Variants in SLC25A19 observed in about 807,000 individuals in gnomAD.
The protein encoded by SLC25A19 is solute carrier family 25 member 19, also known as mitochondrial thiamine pyrophosphate carrier.
SLC25A19 carries 18 observed loss-of-function variants against 27.9 expected under a neutral mutation model. The ratio of observed to expected loss-of-function variants is 0.64; its 90% CI spans 0.45 to 0.96. The LOEUF is 0.96. Among genes scored for constraint, SLC25A19 ranks in the 40% least tolerant of loss-of-function variants. The pLI, the probability that SLC25A19 is intolerant of heterozygous loss-of-function variation, is 0.00. For synonymous variants in SLC25A19, 169 were observed against 167.1 expected (o/e 1.01, Z -0.09); for missense variants, 371 against 418.3 (o/e 0.89, Z 0.99).
intron 2 of SLC25A19, among the ~76,000 whole-genome samples, chr17:75,287,924 G>A (rs1324075453): frequency 3.3e-5 from 5 of 151,972 alleles, no homozygotes; most frequent in African/African-American, 2.4e-5. Flanking sequence ...CGGGTGGATC[G>A]CCTGAGGTCA....
chr17:75,284,956 T>A (rs2385211), intron 4 of SLC25A19, among the ~76,000 whole-genome samples: 24,529 of 151,400 alleles, frequency 0.16, 2,346 homozygotes, highest in Middle Eastern at 0.28. Flanking sequence ...TTTTGCTTTT[T>A]GAGGCAAGGT....
intron 5 of SLC25A19, 143 bp from the exon 6 acceptor site, chr17:75,278,478 C>A: frequency 1.1e-6 from 1 of 878,966 alleles, no homozygotes; most frequent in Non-Finnish European, 1.8e-6. Flanking sequence ...AAGGGAAACG[C>A]TGGACAGAGA....
chr17:75,278,457 G>T, intron 5 of SLC25A19, 122 bp from the exon 6 acceptor site: 1 of 1,081,616 alleles, frequency 9.2e-7, no homozygotes, highest in Non-Finnish European at 1.4e-6. Flanking sequence ...CCTCCTGCCA[G>T]GAAGACAGTC....
intron 4 of SLC25A19, among the ~76,000 whole-genome samples, chr17:75,284,637 T>TTC (rs2078139337): frequency 6.8e-6 from 1 of 146,334 alleles, no homozygotes; most frequent in African/African-American, 2.6e-5. Context: ...ATCTTTCTTT[T>TTC]TTTTTTTTTT....
At position 75,286,717 on chromosome 17, in the gene SLC25A19, G is replaced by C. The variant is rs761316641; in HGVS notation, c.48C>G (p.Phe16Leu). The change falls in exon 3 of 8, where the codon TTC becomes TTG. Residue 16 changes from phenylalanine to leucine, a missense_variant. Physicochemically the swap from Phe to Leu is conservative, Grantham distance 22 (BLOSUM62 0). Transcript: ENST00000416858. ...ACACAGACCCAGCCACTGCCACCTG[G>C]AACTTGGTGTTATTCCTGCCATCTG... is the stretch of plus-strand genomic sequence containing the variant. ...PKPDGRNNTK[F>L]QVAVAGSVSG... The C allele has an allele frequency of 6.2e-7, 1 of 1,614,160 alleles. No individual in the cohort carries two copies. Among genetic ancestry groups the C allele is most frequent in the Admixed American group, 1.7e-5 (1 of 60,014 alleles).
intron 5 of SLC25A19, among the ~76,000 whole-genome samples, chr17:75,279,236 C>T (rs1021048224): frequency 6.6e-6 from 1 of 151,846 alleles, no homozygotes; most frequent in East Asian, 1.9e-4. Context: ...CTCTGGGGAT[C>T]GGAATCAGGG....
chr17:75,282,866 ATAAC>A (rs2078074959), intron 5 of SLC25A19, among the ~76,000 whole-genome samples: 2 of 148,976 alleles, frequency 1.3e-5, no homozygotes, highest in Non-Finnish European at 3.0e-5. Context: ...AAATAAATAA[ATAAC>A]TAAAAATAAA....
intron 5 of SLC25A19, among the ~76,000 whole-genome samples, chr17:75,281,266 C>A (rs1157464711): frequency 6.6e-6 from 1 of 152,102 alleles, no homozygotes; most frequent in African/African-American, 2.4e-5. Context: ...ACATATGATG[C>A]TATTCTTAAA....
intron 6 of SLC25A19, 57 bp downstream of exon 6, chr17:75,278,095 G>C: frequency 6.3e-7 from 1 of 1,577,368 alleles, no homozygotes; most frequent in South Asian, 1.1e-5. Context: ...TGATTTGGAA[G>C]GGGGTGTTCT....
chr17:75,273,509 GAGA>G lies in SLC25A19; in HGVS notation c.902_904del (p.Phe301del), dbSNP rs1223052776. 1 of 1,614,182 alleles carries G rather than the reference GAGA, an allele frequency of 6.2e-7. No individual in the cohort carries two copies. The highest frequency in any genetic ancestry group is 8.5e-7 in the Non-Finnish European group (1 of 1,180,032). On this transcript the variant is annotated inframe_deletion, in exon 8 of 8. Coordinates refer to ENST00000416858, the MANE Select transcript of SLC25A19 (RefSeq NM_001126121.2). Reference sequence around the variant, plus strand: ...GAAGACATTACAGAAGAATTCATACGAGAAGAACATGAAGCCTGTGGAGAGGGC... The same window carrying G: ...GAAGACATTACAGAAGAATTCATACGAGAACATGAAGCCTGTGGAGAGGGC...
At chr17:75,286,178 G>A in intron 4 of SLC25A19, 126 bp downstream of exon 4, 1 of 1,184,920 alleles carries the variant, frequency 8.4e-7, no homozygotes, top group Non-Finnish European at 1.2e-6. Flanking sequence ...GGTGAGGCAG[G>A]TGGGAAGCGT....
chr17:75,286,708 T>C lies in SLC25A19; in HGVS notation c.57A>G (p.Ala19=). The C allele has an allele frequency of 1.2e-6, 2 of 1,614,186 alleles. No individual in the cohort carries two copies. The highest frequency in any genetic ancestry group is 1.7e-6 in the Non-Finnish European group (2 of 1,180,028). ...CAAGTCCAGACACAGACCCAGCCAC[T>C]GCCACCTGGAACTTGGTGTTATTCC... is the stretch of plus-strand genomic sequence containing the variant. The part of the protein sequence containing the change: ...DGRNNTKFQV[A]VAGSVSGLVT... Residue 19 remains alanine, a synonymous_variant, in exon 3 of 8, where the codon GCA becomes GCG. Transcript: ENST00000416858.
chr17:75,274,176 G>A (rs530428517), intron 7 of SLC25A19, among the ~76,000 whole-genome samples: 1 of 152,294 alleles, frequency 6.6e-6, no homozygotes, highest in South Asian at 2.1e-4. Context: ...CAGGAAGAAC[G>A]GCTGCCTGTG....
At position 75,278,129 on chromosome 17, in the gene SLC25A19, C is replaced by G. The variant is rs761333646; in HGVS notation, c.643+23G>C. On this transcript the variant is annotated intron_variant, in intron 6 of 7. Transcript: ENST00000416858. ...CTGGTGGCTGGGGTGGGAGGGCTCCCTCTCGTGTGAGGGCTGCCTCACCAT... is the reference window on the plus strand; with the variant it reads ...CTGGTGGCTGGGGTGGGAGGGCTCCGTCTCGTGTGAGGGCTGCCTCACCAT... The G allele has an allele frequency of 1.9e-6, 3 of 1,612,124 alleles. No individual in the cohort carries two copies. In the Admixed American group the frequency reaches 5.0e-5, roughly 27 times the overall value.
chr17:75,273,729 G>T (rs2077788124), intron 7 of SLC25A19, 90 bp from the exon 8 acceptor site: 3 of 1,257,306 alleles, frequency 2.4e-6, no homozygotes, highest in Non-Finnish European at 2.3e-6. Context: ...AGAAGTACTT[G>T]CTGGACAAAG....
At chr17:75,274,009 G>C (rs1190003446) in intron 7 of SLC25A19, 1 of 314,698 alleles carries the variant, frequency 3.2e-6, no homozygotes, top group African/African-American at 2.2e-5. Flanking sequence ...TGATCCACCT[G>C]CTTCAGCCTC....
rs781017271 is a variant in SLC25A19 at position 75,283,607 on chromosome 17, T to G, written c.289-14A>C. On this transcript the variant is annotated splice_polypyrimidine_tract_variant and intron_variant, in intron 4 of 7. Transcript: ENST00000416858. Reference sequence around the variant, plus strand: ...AAATGACAAGAACTGCAAGAGTAAGTGAAGAAGTCACCGACAGCCCAAAGG... The same window carrying G: ...AAATGACAAGAACTGCAAGAGTAAGGGAAGAAGTCACCGACAGCCCAAAGG... 9.9e-6 allele frequency: 16 copies of G among 1,611,900 alleles called. No individual in the cohort carries two copies. Among genetic ancestry groups the G allele is most frequent in the Middle Eastern group, 1.6e-4 (1 of 6,082 alleles).
rs1439178739 is a variant in SLC25A19, at chr17:75,278,161, T to G, written c.634A>C (p.Lys212Gln). 1.2e-6 allele frequency: 2 copies of G among 1,613,582 alleles called. No homozygotes were observed. Among genetic ancestry groups the G allele is most frequent in the Admixed American group, 3.3e-5 (2 of 59,992 alleles). Reference protein sequence around the residue: ...LYKWAIPAEGKKNENLQNLLC... With the variant: ...LYKWAIPAEGQKNENLQNLLC... ...GTGAGGGCTGCCTCACCATTTTTCTTTCCTTCGGCTGGTATGGCCCACTTG... is the reference window on the plus strand; with the variant it reads ...GTGAGGGCTGCCTCACCATTTTTCTGTCCTTCGGCTGGTATGGCCCACTTG... Residue 212 changes from lysine to glutamine, a missense_variant, in exon 6 of 8, where the codon AAG becomes CAG. Coordinates refer to ENST00000416858, the MANE Select transcript of SLC25A19 (RefSeq NM_001126121.2).
chr17:75,281,283 C>G (rs1682905731), intron 5 of SLC25A19, among the ~76,000 whole-genome samples: 1 of 152,124 alleles, frequency 6.6e-6, no homozygotes, highest in African/African-American at 2.4e-5. Context: ...TAAATATGTC[C>G]AGGAAACAGA....
Sources: allele counts gnomAD v4.1 joint callset (sites outside exome capture counted in the v4.1 genomes callset), GRCh38; gene constraint gnomAD v4.1.1; transcripts MANE v1.5; gene names NCBI Gene and HGNC (gene_info 2026-07-23, HGNC 2026-07-21).